The following INSYN2B variants were observed in gnomAD, a reference collection of about 807,000 sequenced individuals.
INSYN2B encodes inhibitory synaptic factor family member 2B, also known as protein INSYN2B.
In INSYN2B, 16 loss-of-function variants were observed where a neutral mutation model predicts 41.2. That is an observed-to-expected ratio of 0.39 (90% CI 0.26 to 0.59). The LOEUF (loss-of-function observed/expected upper bound fraction) is 0.59, where lower values mean the gene tolerates loss of function less well. Among genes scored for constraint, INSYN2B ranks in the 20% least tolerant of loss-of-function variants. The probability of loss-of-function intolerance (pLI) is 0.57; values close to 1 mark genes in which losing one functional copy is unlikely to be tolerated. For synonymous variants in INSYN2B, 245 were observed against 244.4 expected (o/e 1.00, Z -0.02); for missense variants, 608 against 646.4 (o/e 0.94, Z 0.64).
At position 169,918,074 on chromosome 5, in the gene INSYN2B, C is replaced by T. The variant is rs1774974091; in HGVS notation, c.-918-33258G>A. 5.9e-5 allele frequency among the ~76,000 whole-genome samples: 9 copies of T among 152,278 alleles called. No individual in the cohort carries two copies. In the South Asian group the frequency reaches 1.9e-3, roughly 32 times the overall value. The stretch of plus-strand genomic sequence containing the variant: ...ATAAACTTCTGATATTCTACCCTTC[C>T]TATTTTGGGGGAAAAAGTCAAACCT... On this transcript the variant is annotated intron_variant, in intron 1 of 3. Transcript: ENST00000377365.
At chr5:169,977,749 A>G (rs1368036683) in intron 1 of INSYN2B, among the ~76,000 whole-genome samples, 2 of 152,326 alleles carry the variant, frequency 1.3e-5, no homozygotes, top group African/African-American at 4.8e-5. Context: ...GCAAGGACAG[A>G]CAGCACACCT....
intron 1 of INSYN2B, among the ~76,000 whole-genome samples, chr5:169,949,091 TAA>T (rs1016280292): frequency 3.3e-5 from 5 of 152,244 alleles, no homozygotes; most frequent in Non-Finnish European, 7.3e-5. Context: ...AGCATGTGGA[TAA>T]AAGTGTATAG....
At chr5:169,870,879 A>G (rs888557507) in intron 3 of INSYN2B, among the ~76,000 whole-genome samples, 3 of 151,020 alleles carry the variant, frequency 2.0e-5, no homozygotes, top group African/African-American at 4.8e-5. Flanking sequence ...TGCTATAACA[A>G]AATACTACAG....
chr5:169,922,231 A>G (rs186089807), intron 1 of INSYN2B, among the ~76,000 whole-genome samples: 49 of 152,342 alleles, frequency 3.2e-4, no homozygotes, highest in South Asian at 1.0e-3. Context: ...GCCTAAAGGT[A>G]TTTATTGCTT....
chr5:169,911,509 T>C (rs1312208803), intron 1 of INSYN2B, among the ~76,000 whole-genome samples: 3 of 152,214 alleles, frequency 2.0e-5, no homozygotes, highest in African/African-American at 7.2e-5. Flanking sequence ...CAAGTCTGTT[T>C]ATTACCTGCT....
chr5:169,945,970 C>T (rs1300009470), intron 1 of INSYN2B, among the ~76,000 whole-genome samples: 2 of 152,192 alleles, frequency 1.3e-5, no homozygotes, highest in Non-Finnish European at 2.9e-5. Context: ...GCCAGGCAGG[C>T]TCCAGCCCTG....
At chr5:169,875,156 A>G (rs935640558) in intron 3 of INSYN2B, 1 of 454,218 alleles carries the variant, frequency 2.2e-6, no homozygotes, top group African/African-American at 2.0e-5. Context: ...TAAATCAAGT[A>G]TCTTCTTTCA....
chr5:169,867,466 G>T (rs1771648408), intron 3 of INSYN2B, among the ~76,000 whole-genome samples: 1 of 148,376 alleles, frequency 6.7e-6, no homozygotes, highest in African/African-American at 2.5e-5. Context: ...TCTATCTATT[G>T]ATCCATCCAT....
chr5:169,869,814 G>A (rs1041241024), intron 3 of INSYN2B, among the ~76,000 whole-genome samples: 1 of 152,132 alleles, frequency 6.6e-6, no homozygotes, highest in African/African-American at 2.4e-5. Flanking sequence ...TAACTTTTCT[G>A]ACCTCACCTC....
chr5:169,922,232 T>C (rs1775215403), intron 1 of INSYN2B, among the ~76,000 whole-genome samples: 1 of 152,182 alleles, frequency 6.6e-6, no homozygotes, highest in Admixed American at 6.5e-5. Flanking sequence ...CCTAAAGGTA[T>C]TTATTGCTTC....
intron 1 of INSYN2B, among the ~76,000 whole-genome samples, chr5:169,902,956 G>T (rs1252950585): frequency 1.3e-5 from 2 of 152,052 alleles, no homozygotes; most frequent in Non-Finnish European, 2.9e-5. Flanking sequence ...AAATTAGCTG[G>T]GTGTGGTGGC....
intron 1 of INSYN2B, among the ~76,000 whole-genome samples, chr5:169,937,955 A>G (rs1776068827): frequency 6.6e-6 from 1 of 152,178 alleles, no homozygotes; most frequent in Non-Finnish European, 1.5e-5. Flanking sequence ...GTGTAACAGG[A>G]GGTGGACATC....
intron 1 of INSYN2B, among the ~76,000 whole-genome samples, chr5:169,928,155 G>C (rs1287460272): frequency 6.6e-6 from 1 of 152,256 alleles, no homozygotes; most frequent in South Asian, 2.1e-4. Context: ...TGCAACTCAG[G>C]ATCAGCCACC....
intron 1 of INSYN2B, among the ~76,000 whole-genome samples, chr5:169,907,172 T>C: frequency 6.6e-6 from 1 of 152,160 alleles, no homozygotes; most frequent in East Asian, 1.9e-4. Context: ...TGCTGAGGCA[T>C]TTTGGTCACC....
At chr5:169,891,738 A>G (rs928792184) in intron 1 of INSYN2B, among the ~76,000 whole-genome samples, 11 of 152,124 alleles carry the variant, frequency 7.2e-5, no homozygotes, top group African/African-American at 2.7e-4. Flanking sequence ...TAATCCCAGC[A>G]CTTTGGGAGG....
chr5:169,920,393 T>C (rs960005191), intron 1 of INSYN2B, among the ~76,000 whole-genome samples: 6 of 152,348 alleles, frequency 3.9e-5, no homozygotes, highest in African/African-American at 1.4e-4. Flanking sequence ...CAAAATACTT[T>C]CTGAGAGTTG....
intron 1 of INSYN2B, among the ~76,000 whole-genome samples, chr5:169,970,896 G>A (rs370488359): frequency 1.8e-3 from 274 of 151,916 alleles, no homozygotes; most frequent in African/African-American, 6.4e-3. Flanking sequence ...GTGTGGATCC[G>A]AATATACGTA....
At chr5:169,949,114 G>A (rs1289208312) in intron 1 of INSYN2B, among the ~76,000 whole-genome samples, 2 of 152,280 alleles carry the variant, frequency 1.3e-5, no homozygotes, top group South Asian at 4.1e-4. Context: ...CCCTGTATTC[G>A]AATTTCCTTG....
chr5:169,905,562 G>A (rs1300338517), intron 1 of INSYN2B, among the ~76,000 whole-genome samples: 1 of 152,186 alleles, frequency 6.6e-6, no homozygotes, highest in Non-Finnish European at 1.5e-5. Flanking sequence ...ACCTCTCTGA[G>A]GGTAATGTCA....
Sources: allele counts gnomAD v4.1 joint callset (sites outside exome capture counted in the v4.1 genomes callset), GRCh38; gene constraint gnomAD v4.1.1; transcripts MANE v1.5; gene names NCBI Gene and HGNC (gene_info 2026-07-23, HGNC 2026-07-21).